The following MKLN1 variants were observed in gnomAD, a reference collection of about 807,000 sequenced individuals.
MKLN1 encodes muskelin 1.
Under a neutral mutation model 99.0 loss-of-function variants are expected in MKLN1, and 18 were observed. The observed-to-expected ratio is 0.18, with a 90% CI of 0.13 to 0.27. The LOEUF is 0.27. Ranked by LOEUF, MKLN1 falls within the 10% of genes least tolerant of loss-of-function variation. The probability of loss-of-function intolerance (pLI) is 1.00; values close to 1 mark genes in which losing one functional copy is unlikely to be tolerated. For synonymous variants in MKLN1, 288 were observed against 293.2 expected, an observed-to-expected ratio of 0.98 and a Z score of 0.18; for missense variants, 621 against 875.9, an observed-to-expected ratio of 0.71 and a Z score of 3.67.
chr7:131,367,792 A>G (rs1800224967), intron 1 of MKLN1, among the ~76,000 whole-genome samples: 1 of 152,196 alleles, frequency 6.6e-6, no homozygotes, highest in Non-Finnish European at 1.5e-5. Flanking sequence ...ATAGCCAGCC[A>G]AGATTAGCAG....
chr7:131,129,697 T>A (rs1274231078), intron 1 of MKLN1, among the ~76,000 whole-genome samples: 1 of 152,174 alleles, frequency 6.6e-6, no homozygotes, highest in Non-Finnish European at 1.5e-5. Context: ...ACTCAGCCTC[T>A]GAATTAGCTG....
rs71168380 is a variant in MKLN1, at chr7:131,175,251, G to GATAGATAGATAGATAGATAGATAGATA, written c.-296-27589_-296-27588insTAGATAGATAATAGATAGATAGATAGA. ...GAGAGATAGAATGGATGGATGGATAGATAGATAGATAGATAGAGTAGGTGG... is the reference window on the plus strand; with the variant it reads ...GAGAGATAGAATGGATGGATGGATAGATAGATAGATAGATAGATAGATAGATAATAGATAGATAGATAGAGTAGGTGG... On this transcript the variant is annotated intron_variant, in intron 2 of 7. Coordinates refer to the MKLN1 transcript ENST00000416992. 6.4e-3 allele frequency among the ~76,000 whole-genome samples: 969 copies of GATAGATAGATAGATAGATAGATAGATA among 150,274 alleles called. 7 individuals carry two copies. Among genetic ancestry groups the GATAGATAGATAGATAGATAGATAGATA allele is most frequent in the African/African-American group, 0.013 (530 of 40,792 alleles).
intron 8 of MKLN1, among the ~76,000 whole-genome samples, chr7:131,420,347 A>C (rs1020319475): frequency 1.3e-5 from 2 of 152,174 alleles, no homozygotes; most frequent in Non-Finnish European, 2.9e-5. Context: ...AAGGTATCAT[A>C]TAGAGCTGAC....
Position 131,464,425 on chromosome 7 carries a change from G to T in MKLN1, c.1788+17G>T. ...CTACACAAGGTATCCTAACTACATT[G>T]ACCTGTAAACTTTCCATGGCCTACT... On this transcript the variant is annotated intron_variant, in intron 14 of 17. Coordinates refer to ENST00000352689, the MANE Select transcript of MKLN1 (RefSeq NM_013255.5). 1 of 1,481,736 alleles carries T rather than the reference G, an allele frequency of 6.7e-7. No individual in the cohort carries two copies. The highest frequency in any genetic ancestry group is 1.1e-5 in the South Asian group (1 of 87,350). The allele number at this position is 1,481,736 out of a possible 1,614,324, so 91.8% of individuals were successfully genotyped here.
intron 14 of MKLN1, 146 bp from the exon 15 acceptor site, chr7:131,466,130 C>G (rs1796654909): frequency 1.9e-6 from 1 of 517,598 alleles, no homozygotes. Flanking sequence ...TGAGAAAAAT[C>G]AAGAGAAGCT....
intron 2 of MKLN1, among the ~76,000 whole-genome samples, chr7:131,192,123 A>ATATATATATTATATATATACG (rs1796559815): frequency 1.1e-5 from 1 of 87,722 alleles, no homozygotes; most frequent in Non-Finnish European, 2.1e-5. Flanking sequence ...ATATATACGT[A>ATATATATATTATATATATACG]TATATATAAA....
chr7:131,301,148 G>A lies in MKLN1; in HGVS notation c.-178-74276G>A, dbSNP rs569393281. Among the ~76,000 whole-genome samples, 68 of 152,324 alleles carry A rather than the reference G, an allele frequency of 4.5e-4. No homozygotes were observed. In the South Asian group the frequency reaches 0.013, roughly 30 times the overall value. ...CCACCCCTAATATGTAATTGGTTTGGGATGTGGGGTGAGGATTTTTAAAAG... is the reference window on the plus strand; with the variant it reads ...CCACCCCTAATATGTAATTGGTTTGAGATGTGGGGTGAGGATTTTTAAAAG... On this transcript the variant is annotated intron_variant, in intron 3 of 7. Coordinates refer to the MKLN1 transcript ENST00000416992.
chr7:131,123,692 G>T (rs1476571765), intron 1 of MKLN1, among the ~76,000 whole-genome samples: 2 of 152,040 alleles, frequency 1.3e-5, no homozygotes, highest in African/African-American at 4.8e-5. Context: ...GGAGGCTGAG[G>T]CAGGAGAATT....
At chr7:131,267,877 G>C (rs1185532868) in intron 3 of MKLN1, among the ~76,000 whole-genome samples, 3 of 152,076 alleles carry the variant, frequency 2.0e-5, no homozygotes, top group Non-Finnish European at 4.4e-5. Flanking sequence ...CAGCATTTGG[G>C]TTCTCCATAA....
intron 1 of MKLN1, among the ~76,000 whole-genome samples, chr7:131,126,409 T>C (rs1257625450): frequency 6.6e-6 from 1 of 152,254 alleles, no homozygotes; most frequent in Non-Finnish European, 1.5e-5. Context: ...TAGAGTCATT[T>C]AACTATAGCA....
chr7:131,168,741 C>T (rs920756647), intron 2 of MKLN1, among the ~76,000 whole-genome samples: 1 of 151,878 alleles, frequency 6.6e-6, no homozygotes, highest in Non-Finnish European at 1.5e-5. Context: ...CCTCATTTTA[C>T]CCTTGCAAGC....
At chr7:131,372,775 C>T (rs1164052339) in intron 1 of MKLN1, among the ~76,000 whole-genome samples, 1 of 144,020 alleles carries the variant, frequency 6.9e-6, no homozygotes, top group African/African-American at 2.6e-5. Context: ...AATTCTGAGG[C>T]TTTAGCATAT....
At chr7:131,481,326 T>C (rs1797115246) in intron 17 of MKLN1, among the ~76,000 whole-genome samples, 1 of 152,208 alleles carries the variant, frequency 6.6e-6, no homozygotes, top group Non-Finnish European at 1.5e-5. Flanking sequence ...GAGAATTAAA[T>C]GAAATAATTC....
chr7:131,373,989 G>A (rs1793554968), intron 1 of MKLN1, among the ~76,000 whole-genome samples: 1 of 152,026 alleles, frequency 6.6e-6, no homozygotes, highest in Non-Finnish European at 1.5e-5. Flanking sequence ...CCTTTCCTCT[G>A]ATGTTTTCCT....
At chr7:131,217,631 G>T (rs1182906070) in intron 3 of MKLN1, among the ~76,000 whole-genome samples, 1 of 152,246 alleles carries the variant, frequency 6.6e-6, no homozygotes, top group Admixed American at 6.5e-5. Flanking sequence ...CCGAGAGGCA[G>T]GCGTTGCAGT....
At chr7:131,447,067 A>G (rs901423187) in intron 12 of MKLN1, among the ~76,000 whole-genome samples, 1 of 152,254 alleles carries the variant, frequency 6.6e-6, no homozygotes. Context: ...ACATTATCAC[A>G]GTAAATTTCT....
intron 2 of MKLN1, among the ~76,000 whole-genome samples, chr7:131,192,195 A>C (rs1563247464): frequency 1.4e-5 from 1 of 72,574 alleles, no homozygotes; most frequent in African/African-American, 6.5e-5. Context: ...TATAAAATAT[A>C]ATATATACAA....
Position 131,414,544 on chromosome 7 carries a change from G to T in MKLN1, c.782-101G>T. On this transcript the variant is annotated intron_variant, in intron 7 of 17. Coordinates refer to ENST00000352689, the MANE Select transcript of MKLN1 (RefSeq NM_013255.5). ...TTATTAATATTTTGAAAAAATAAGG[G>T]TGGGTTATTTTTACTACTGATTACA... is the stretch of plus-strand genomic sequence containing the variant. The T allele has an allele frequency of 1.2e-5, 8 of 671,236 alleles. No homozygotes were observed. In the South Asian group the frequency reaches 1.4e-4, roughly 12 times the overall value. 41.6% of individuals were successfully genotyped at this position (671,236 alleles called of 1,614,324 possible). A position where few individuals can be genotyped will look rare whatever the true frequency, so the allele number is the denominator to read the frequency against.
chr7:131,338,633 T>G (rs1444404443), intron 1 of MKLN1, among the ~76,000 whole-genome samples: 1 of 152,248 alleles, frequency 6.6e-6, no homozygotes, highest in Non-Finnish European at 1.5e-5. Context: ...CTGTGTTTAG[T>G]TCTTTTGGAA....
Sources: allele counts gnomAD v4.1 joint callset (sites outside exome capture counted in the v4.1 genomes callset), GRCh38; gene constraint gnomAD v4.1.1; transcripts MANE v1.5; gene names NCBI Gene and HGNC (gene_info 2026-07-23, HGNC 2026-07-21).